The following CSMD1 variants were observed in gnomAD, a reference collection of about 807,000 sequenced individuals.
The protein encoded by CSMD1 is CUB and Sushi multiple domains 1.
A neutral mutation model predicts 417.5 loss-of-function variants in CSMD1; 213 were observed. The observed-to-expected ratio is 0.51, with a 90% CI of 0.46 to 0.57. The LOEUF (loss-of-function observed/expected upper bound fraction) is 0.57, where lower values mean the gene tolerates loss of function less well. Among genes scored for constraint, CSMD1 ranks in the 20% least tolerant of loss-of-function variants. CSMD1 has a pLI of 0.00. For synonymous variants in CSMD1, 2,862 were observed against 1,736.8 expected, an observed-to-expected ratio of 1.65 and a Z score of -16.11; for missense variants, 6,923 against 4,529.7, an observed-to-expected ratio of 1.53 and a Z score of -15.17.
At chr8:3,563,442 T>TAAAAAAAAAAAAAAAAA (rs60108067) in intron 10 of CSMD1, among the ~76,000 whole-genome samples, 1 of 62,782 alleles carries the variant, frequency 1.6e-5, no homozygotes, top group African/African-American at 5.9e-5. Flanking sequence ...TATTAAAAGG[T>TAAAAAAAAAAAAAAAAA]AAAAAAAAAA....
chr8:4,777,990 C>T (rs1349533661), intron 1 of CSMD1, among the ~76,000 whole-genome samples: 1 of 152,184 alleles, frequency 6.6e-6, no homozygotes, highest in Non-Finnish European at 1.5e-5. Flanking sequence ...CTTTTGGTTT[C>T]ATGATGGCAA....
In CSMD1 at chr8:4,564,533, G is replaced by A. The variant is rs146957147; in HGVS notation, c.302+72809C>T. On this transcript the variant is annotated intron_variant, in intron 2 of 69. Transcript: ENST00000635120. ...CTATTATAATTGTGACTCGATGTTC[G>A]AAACAGAAGCATTCCAAATTTTATA... Among the ~76,000 whole-genome samples the A allele has an allele frequency of 2.4e-3, 364 of 152,214 alleles. 1 individual carries two copies. The highest frequency in any genetic ancestry group is 7.4e-3 in the African/African-American group (307 of 41,538).
intron 3 of CSMD1, among the ~76,000 whole-genome samples, chr8:4,149,526 T>C (rs1344977192): frequency 1.3e-5 from 2 of 152,198 alleles, no homozygotes; most frequent in South Asian, 2.1e-4. Flanking sequence ...GGAACTACCA[T>C]TTCAATACTA....
At chr8:3,328,155 C>T (rs547705309) in intron 23 of CSMD1, among the ~76,000 whole-genome samples, 3 of 152,186 alleles carry the variant, frequency 2.0e-5, no homozygotes, top group Non-Finnish European at 4.4e-5. Context: ...ACTTACTTTC[C>T]CTAAACCTGG....
chr8:3,216,536 T>C lies in CSMD1; in HGVS notation c.4673-1845A>G, dbSNP rs763440933. On this transcript the variant is annotated intron_variant, in intron 29 of 69. Transcript: ENST00000635120. ...TTTGATTAAATATCACCTACACAAC[T>C]TTCTTCTTTATGCCACTAATTTTGA... Among the ~76,000 whole-genome samples the C allele has an allele frequency of 2.6e-5, 4 of 152,226 alleles. No individual in the cohort carries two copies. The South Asian group carries it at 8.3e-4, about 32-fold the overall frequency.
chr8:2,968,461 G>A (rs778577429), intron 57 of CSMD1, among the ~76,000 whole-genome samples: 1 of 152,178 alleles, frequency 6.6e-6, no homozygotes, highest in African/African-American at 2.4e-5. Flanking sequence ...AGTTTGTAAG[G>A]AAACTAAAAT....
chr8:4,555,881 TA>T (rs1035066396), intron 2 of CSMD1, among the ~76,000 whole-genome samples: 3 of 152,070 alleles, frequency 2.0e-5, no homozygotes, highest in African/African-American at 7.2e-5. Flanking sequence ...AGACTTTCTT[TA>T]AAAAAAGTCA....
chr8:3,785,258 G>A (rs1285516050), intron 5 of CSMD1, among the ~76,000 whole-genome samples: 1 of 152,222 alleles, frequency 6.6e-6, no homozygotes, highest in Admixed American at 6.5e-5. Context: ...AAGAGTGTCT[G>A]TTTCAAAGCA....
chr8:3,608,625 A>C (rs147622304), intron 8 of CSMD1, among the ~76,000 whole-genome samples: 1 of 151,690 alleles, frequency 6.6e-6, no homozygotes, highest in Non-Finnish European at 1.5e-5. Context: ...TTAGCCGGGC[A>C]TGGTAGCACA....
At chr8:3,008,801 C>T (rs1808159502) in intron 52 of CSMD1, among the ~76,000 whole-genome samples, 1 of 152,218 alleles carries the variant, frequency 6.6e-6, no homozygotes, top group Admixed American at 6.5e-5. Flanking sequence ...AACCACCACA[C>T]TGATTGTCAG....
At chr8:3,597,902 G>T (rs1801169990) in intron 8 of CSMD1, among the ~76,000 whole-genome samples, 1 of 152,156 alleles carries the variant, frequency 6.6e-6, no homozygotes, top group South Asian at 2.1e-4. Flanking sequence ...GAGTTGATGG[G>T]TGCAGCAAAC....
chr8:3,416,879 T>C (rs576861483), intron 12 of CSMD1, among the ~76,000 whole-genome samples: 1 of 152,350 alleles, frequency 6.6e-6, no homozygotes, highest in African/African-American at 2.4e-5. Flanking sequence ...AAACCACTTA[T>C]GAAAGTTCTT....
chr8:4,237,969 G>A (rs1045950198), intron 3 of CSMD1, among the ~76,000 whole-genome samples: 6 of 152,186 alleles, frequency 3.9e-5, no homozygotes, highest in African/African-American at 9.6e-5. Flanking sequence ...CTCCTGGGTT[G>A]GCTCAGGGTG....
chr8:4,021,574 C>G (rs1427031701), intron 4 of CSMD1, among the ~76,000 whole-genome samples: 4 of 152,168 alleles, frequency 2.6e-5, no homozygotes, highest in African/African-American at 9.6e-5. Context: ...TGGGATCATC[C>G]TCATGCTAAG....
chr8:4,225,029 T>G (rs1175923618), intron 3 of CSMD1, among the ~76,000 whole-genome samples: 2 of 152,124 alleles, frequency 1.3e-5, no homozygotes, highest in African/African-American at 4.8e-5. Context: ...AGACAATCGC[T>G]TGAACCCTAG....
intron 12 of CSMD1, among the ~76,000 whole-genome samples, chr8:3,414,213 A>AAAG (rs1491222914): frequency 6.1e-5 from 1 of 16,262 alleles, no homozygotes; most frequent in Non-Finnish European, 1.4e-4. Flanking sequence ...CACCTAAAGC[A>AAAG]AAAAAAAAAA....
chr8:4,513,503 T>C (rs895453295), intron 2 of CSMD1, among the ~76,000 whole-genome samples: 1 of 152,160 alleles, frequency 6.6e-6, no homozygotes, highest in African/African-American at 2.4e-5. Context: ...GACTGTAACA[T>C]TTACTCTTTA....
intron 3 of CSMD1, among the ~76,000 whole-genome samples, chr8:4,180,484 G>C (rs1018794054): frequency 6.6e-6 from 1 of 150,728 alleles, no homozygotes; most frequent in Non-Finnish European, 1.5e-5. Context: ...GCTAAATGAC[G>C]AGTTAGTGGG....
At chr8:4,353,156 T>C (rs750981765) in intron 3 of CSMD1, among the ~76,000 whole-genome samples, 1 of 152,222 alleles carries the variant, frequency 6.6e-6, no homozygotes, top group Non-Finnish European at 1.5e-5. Flanking sequence ...CCCACACAAC[T>C]GTCACCTTGA....
Sources: allele counts gnomAD v4.1 joint callset (sites outside exome capture counted in the v4.1 genomes callset), GRCh38; gene constraint gnomAD v4.1.1; transcripts MANE v1.5; gene names NCBI Gene and HGNC (gene_info 2026-07-23, HGNC 2026-07-21).